Variants in OXR1 observed in about 807,000 individuals in gnomAD.
OXR1 encodes the protein oxidation resistance 1.
OXR1 carries 41 observed loss-of-function variants against 104.6 expected under a neutral mutation model. That is an observed-to-expected ratio of 0.39 (90% confidence interval 0.31 to 0.51). The LOEUF (loss-of-function observed/expected upper bound fraction) is 0.51. Ranked by LOEUF, OXR1 falls within the 20% of genes least tolerant of loss-of-function variation. The pLI, the probability that OXR1 is intolerant of heterozygous loss-of-function variation, is 0.77. For missense variants in OXR1, 955 were observed against 1,031.9 expected, an observed-to-expected ratio of 0.93 and a Z score of 1.02; for synonymous variants, 348 against 348.4, an observed-to-expected ratio of 1.00 and a Z score of 0.01.
At chr8:106,338,302 G>A (rs763907267) in intron 1 of OXR1, among the ~76,000 whole-genome samples, 12 of 152,092 alleles carry the variant, frequency 7.9e-5, no homozygotes, top group African/African-American at 2.2e-4. Flanking sequence ...AGGGCTGGGC[G>A]TGGTGGCTTA....
intron 2 of OXR1, among the ~76,000 whole-genome samples, chr8:106,421,198 A>G (rs1818890361): frequency 6.6e-6 from 1 of 152,090 alleles, no homozygotes. Flanking sequence ...CGGCCCCTAC[A>G]ACCCACACAC....
intron 2 of OXR1, among the ~76,000 whole-genome samples, chr8:106,430,736 G>A (rs1444594235): frequency 6.6e-6 from 1 of 152,088 alleles, no homozygotes; most frequent in East Asian, 1.9e-4. Flanking sequence ...GGATTTCCTG[G>A]CCCTTCCTCA....
intron 2 of OXR1, among the ~76,000 whole-genome samples, chr8:106,451,084 C>A (rs1820289053): frequency 6.6e-6 from 1 of 152,228 alleles, no homozygotes; most frequent in Non-Finnish European, 1.5e-5. Context: ...GCTCCAGTGT[C>A]TGAAATAAAT....
chr8:106,317,168 G>A (rs1586514303), intron 1 of OXR1, among the ~76,000 whole-genome samples: 1 of 152,170 alleles, frequency 6.6e-6, no homozygotes, highest in African/African-American at 2.4e-5. Context: ...CACCTTTGTC[G>A]TGATTGGCTG....
At chr8:106,439,546 G>A (rs1276299366) in intron 2 of OXR1, among the ~76,000 whole-genome samples, 1 of 151,744 alleles carries the variant, frequency 6.6e-6, no homozygotes, top group Non-Finnish European at 1.5e-5. Flanking sequence ...CTTTTTTTCT[G>A]ATATTTTGTT....
intron 2 of OXR1, among the ~76,000 whole-genome samples, chr8:106,420,512 A>T (rs1212899516): frequency 6.6e-6 from 1 of 151,990 alleles, no homozygotes; most frequent in Admixed American, 6.6e-5. Flanking sequence ...TCTCTTATGA[A>T]ATCACAAACT....
At chr8:106,552,597 G>T (rs1333828834) in intron 3 of OXR1, among the ~76,000 whole-genome samples, 1 of 152,050 alleles carries the variant, frequency 6.6e-6, no homozygotes, top group Non-Finnish European at 1.5e-5. Flanking sequence ...GCTCTTAATT[G>T]GCCATATATA....
chr8:106,695,520 C>T (rs938436588), intron 7 of OXR1, among the ~76,000 whole-genome samples: 2 of 151,764 alleles, frequency 1.3e-5, no homozygotes, highest in African/African-American at 4.8e-5. Flanking sequence ...CAGGTTCAAG[C>T]AATTCTCCTG....
chr8:106,506,240 G>A (rs1812148102), intron 2 of OXR1, among the ~76,000 whole-genome samples: 1 of 152,182 alleles, frequency 6.6e-6, no homozygotes, highest in Admixed American at 6.5e-5. Flanking sequence ...AGTATAAAAT[G>A]TGTTGCATGT....
chr8:106,422,172 G>A (rs759492533), intron 2 of OXR1, among the ~76,000 whole-genome samples: 26 of 152,112 alleles, frequency 1.7e-4, no homozygotes, highest in Non-Finnish European at 3.2e-4. Flanking sequence ...ATAGGACATC[G>A]CAGTGGAGAA....
At chr8:106,624,016 A>G (rs1821943593) in intron 3 of OXR1, among the ~76,000 whole-genome samples, 1 of 152,120 alleles carries the variant, frequency 6.6e-6, no homozygotes, top group African/African-American at 2.4e-5. Flanking sequence ...ACATACACAC[A>G]CACTATCCTG....
chr8:106,708,182 A>C (rs957854791), intron 9 of OXR1, among the ~76,000 whole-genome samples: 1 of 152,028 alleles, frequency 6.6e-6, no homozygotes, highest in South Asian at 2.1e-4. Flanking sequence ...GCTTGAACCT[A>C]GGAGTTGGAG....
chr8:106,298,456 G>A (rs938128989), intron 1 of OXR1, among the ~76,000 whole-genome samples: 12 of 152,114 alleles, frequency 7.9e-5, no homozygotes, highest in African/African-American at 2.7e-4. Flanking sequence ...TACCTCCCAC[G>A]ACATGTGGGG....
chr8:106,366,853 T>C lies in OXR1; in HGVS notation c.23+7217T>C, dbSNP rs182834543. On this transcript the variant is annotated intron_variant, in intron 2 of 16. Coordinates refer to ENST00000517566, the MANE Select transcript of OXR1 (RefSeq NM_001198533.2). ...TAACTCAAGTTTAGGGGAGCATAAA[T>C]TAAGAGAAAATAACTGAGGAAGAGA... Among the ~76,000 whole-genome samples the C allele has an allele frequency of 3.3e-5, 5 of 151,642 alleles. No homozygotes were observed. In the East Asian group the frequency reaches 9.7e-4, roughly 29 times the overall value.
At chr8:106,662,844 ATGATGATGATG>A (rs1825902655) in intron 3 of OXR1, among the ~76,000 whole-genome samples, 2 of 78,422 alleles carry the variant, frequency 2.6e-5, no homozygotes, top group African/African-American at 2.4e-4. Context: ...AAATGGGATG[ATGATGATGATG>A]ATGATGATGA....
chr8:106,367,903 A>G (rs1816542514), intron 2 of OXR1, among the ~76,000 whole-genome samples: 1 of 152,172 alleles, frequency 6.6e-6, no homozygotes, highest in Non-Finnish European at 1.5e-5. Flanking sequence ...AGTATCTGGT[A>G]TGCTTGGGGA....
chr8:106,508,607 A>G (rs1812324829), intron 2 of OXR1, among the ~76,000 whole-genome samples: 1 of 152,256 alleles, frequency 6.6e-6, no homozygotes, highest in Non-Finnish European at 1.5e-5. Context: ...TTTAAAAACC[A>G]CAAAATGTCA....
At chr8:106,481,404 G>C (rs765986933) in intron 2 of OXR1, among the ~76,000 whole-genome samples, 39 of 152,016 alleles carry the variant, frequency 2.6e-4, no homozygotes, top group Admixed American at 2.4e-3. Flanking sequence ...GATACAGAAG[G>C]CTTTTCAATA....
intron 2 of OXR1, among the ~76,000 whole-genome samples, chr8:106,429,246 C>T (rs1325295652): frequency 6.6e-6 from 1 of 152,132 alleles, no homozygotes; most frequent in Non-Finnish European, 1.5e-5. Flanking sequence ...ACTCTCTGCC[C>T]TCTAGCCTGC....
Sources: allele counts gnomAD v4.1 joint callset (sites outside exome capture counted in the v4.1 genomes callset), GRCh38; gene constraint gnomAD v4.1.1; transcripts MANE v1.5; gene names NCBI Gene and HGNC (gene_info 2026-07-23, HGNC 2026-07-21).